Variants in LRP1B observed in about 807,000 individuals in gnomAD.
LRP1B encodes the protein LDL receptor related protein 1B, also known as low-density lipoprotein receptor-related protein 1B.
LRP1B carries 217 observed loss-of-function variants against 556.6 expected under a neutral mutation model. That is an observed-to-expected ratio of 0.39 (90% CI 0.35 to 0.44). LRP1B has a LOEUF of 0.44. Among genes scored for constraint, LRP1B ranks in the 20% least tolerant of loss-of-function variants. The probability of loss-of-function intolerance (pLI) is 1.00; values close to 1 mark genes in which losing one functional copy is unlikely to be tolerated. For missense variants in LRP1B, 5,053 were observed against 5,620.8 expected, an observed-to-expected ratio of 0.90 and a Z score of 3.23; for synonymous variants, 2,047 against 1,865.8, an observed-to-expected ratio of 1.10 and a Z score of -2.50.
intron 66 of LRP1B, among the ~76,000 whole-genome samples, chr2:140,427,446 T>C (rs916956569): frequency 6.6e-6 from 1 of 152,158 alleles, no homozygotes; most frequent in African/African-American, 2.4e-5. Flanking sequence ...TCTTAAGAAC[T>C]TAAAACCTCT....
intron 7 of LRP1B, among the ~76,000 whole-genome samples, chr2:141,086,881 T>C (rs2104899280): frequency 6.6e-6 from 1 of 152,266 alleles, no homozygotes; most frequent in East Asian, 1.9e-4. Context: ...ACCAGAAGAT[T>C]GCTTATTGCT....
chr2:141,393,510 G>A (rs1179951119), intron 3 of LRP1B, among the ~76,000 whole-genome samples: 1 of 152,054 alleles, frequency 6.6e-6, no homozygotes, highest in African/African-American at 2.4e-5. Context: ...AAATAAACAT[G>A]CATCTCTATT....
At chr2:140,511,105 A>G (rs1689632700) in intron 51 of LRP1B, among the ~76,000 whole-genome samples, 1 of 152,096 alleles carries the variant, frequency 6.6e-6, no homozygotes, top group South Asian at 2.1e-4. Flanking sequence ...TCCAGGAAGA[A>G]AATATAAGTG....
At chr2:140,487,183 A>G (rs890244108) in intron 58 of LRP1B, among the ~76,000 whole-genome samples, 2 of 151,910 alleles carry the variant, frequency 1.3e-5, no homozygotes, top group Non-Finnish European at 2.9e-5. Context: ...AATGAATTCA[A>G]TTATTTACAA....
intron 3 of LRP1B, among the ~76,000 whole-genome samples, chr2:141,431,582 G>A (rs1037931794): frequency 1.4e-4 from 22 of 152,070 alleles, no homozygotes; most frequent in Admixed American, 6.6e-5. Context: ...TGGAAATATT[G>A]CCATTTAAAC....
At chr2:141,797,548 A>G (rs1467637147) in intron 2 of LRP1B, among the ~76,000 whole-genome samples, 1 of 152,120 alleles carries the variant, frequency 6.6e-6, no homozygotes, top group East Asian at 1.9e-4. Context: ...ATATATTTTC[A>G]AATTCACATA....
chr2:141,995,157 A>C (rs1374348354), intron 1 of LRP1B, among the ~76,000 whole-genome samples: 2 of 152,174 alleles, frequency 1.3e-5, no homozygotes, highest in African/African-American at 2.4e-5. Context: ...TAGTGCATTC[A>C]AGCAACACGA....
intron 1 of LRP1B, among the ~76,000 whole-genome samples, chr2:141,922,217 C>T (rs932324412): frequency 2.6e-5 from 4 of 152,092 alleles, no homozygotes; most frequent in African/African-American, 9.7e-5. Flanking sequence ...ATTATATAAC[C>T]TGGCATAAAA....
chr2:142,079,569 G>A (rs1296627868), intron 1 of LRP1B, among the ~76,000 whole-genome samples: 3 of 151,504 alleles, frequency 2.0e-5, no homozygotes, highest in East Asian at 1.9e-4. Context: ...GTGCAGTGGT[G>A]CTATCTTGGC....
At chr2:141,771,403 C>T (rs113026929) in intron 2 of LRP1B, among the ~76,000 whole-genome samples, 205 of 152,278 alleles carry the variant, frequency 1.3e-3, no homozygotes, top group African/African-American at 4.7e-3. Flanking sequence ...ACCCAAGTCA[C>T]TTGGTCTGTT....
At chr2:141,214,964 G>A (rs1314100695) in intron 6 of LRP1B, among the ~76,000 whole-genome samples, 1 of 152,168 alleles carries the variant, frequency 6.6e-6, no homozygotes, top group Admixed American at 6.5e-5. Flanking sequence ...AAAACAGATA[G>A]GCACTTTGCT....
At chr2:141,551,860 G>T (rs2105230873) in intron 2 of LRP1B, among the ~76,000 whole-genome samples, 1 of 151,984 alleles carries the variant, frequency 6.6e-6, no homozygotes, top group East Asian at 1.9e-4. Flanking sequence ...CAGCCAATTT[G>T]GTGTTCAGGA....
intron 86 of LRP1B, among the ~76,000 whole-genome samples, chr2:140,267,402 A>G (rs1401311363): frequency 6.6e-6 from 1 of 151,994 alleles, no homozygotes; most frequent in Non-Finnish European, 1.5e-5. Context: ...GTCCCAGATA[A>G]AAAATATGGC....
In LRP1B at chr2:140,903,073, G is replaced by T. The variant is rs2105223193; in HGVS notation, c.3613C>A (p.Leu1205Ile). ...TCACATGTTTTATTGTCTTTGTTGA[G>T]TTGAAGTCCTTCAGGGCAGGAACAG... The part of the protein sequence containing the change: ...IVCSCPEGLQ[L>I]NKDNKTCEIV... Residue 1205 changes from leucine to isoleucine, a missense_variant, in exon 23 of 91, where the codon CTC becomes ATC. This residue lies in a region of LRP1B where 3,619 missense variants were observed against 3,931.9 expected (regional missense o/e 0.92). Coordinates refer to ENST00000389484, the MANE Select transcript of LRP1B (RefSeq NM_018557.3). 4 of 1,613,596 alleles carry T rather than the reference G, an allele frequency of 2.5e-6. No individual in the cohort carries two copies. The highest frequency in any genetic ancestry group is 3.4e-6 in the Non-Finnish European group (4 of 1,179,732).
At chr2:140,362,242 T>G (rs1016892575) in intron 72 of LRP1B, among the ~76,000 whole-genome samples, 6 of 151,644 alleles carry the variant, frequency 4.0e-5, no homozygotes, top group Non-Finnish European at 7.4e-5. Context: ...TTAAAACTCC[T>G]TAGTATTTCC....
chr2:142,066,486 C>T (rs1705114334), intron 1 of LRP1B, among the ~76,000 whole-genome samples: 1 of 151,338 alleles, frequency 6.6e-6, no homozygotes, highest in Non-Finnish European at 1.5e-5. Context: ...CAAGGGTACT[C>T]TCTCCCCCTC....
intron 1 of LRP1B, among the ~76,000 whole-genome samples, chr2:142,078,095 G>T (rs1705574861): frequency 6.6e-6 from 1 of 151,928 alleles, no homozygotes; most frequent in Non-Finnish European, 1.5e-5. Flanking sequence ...CCTGCACTTT[G>T]TTCCCTATCG....
intron 15 of LRP1B, among the ~76,000 whole-genome samples, chr2:140,996,109 C>T (rs955836813): frequency 6.6e-6 from 1 of 151,810 alleles, no homozygotes; most frequent in Non-Finnish European, 1.5e-5. Flanking sequence ...GGCTAACATG[C>T]TAGCTTGCAA....
chr2:141,912,983 A>G lies in LRP1B; in HGVS notation c.83-102582T>C, dbSNP rs537730386. Among the ~76,000 whole-genome samples, 7 of 152,192 alleles carry G rather than the reference A, an allele frequency of 4.6e-5. No homozygotes were observed. In the East Asian group the frequency reaches 1.4e-3, roughly 29 times the overall value. ...TGTCATGGAGAACTTGTATTAAATA[A>G]ATTTGTATGTTTTTCTCCTCTTGAT... On this transcript the variant is annotated intron_variant, in intron 1 of 90. Transcript: ENST00000389484.
Sources: allele counts gnomAD v4.1 joint callset (sites outside exome capture counted in the v4.1 genomes callset), GRCh38; gene constraint gnomAD v4.1.1; regional missense constraint gnomAD v4.1.1; transcripts MANE v1.5; gene names NCBI Gene and HGNC (gene_info 2026-07-23, HGNC 2026-07-21).